PCDH17: variants seen among roughly 807,000 people sequenced by gnomAD.
The protein encoded by PCDH17 is protocadherin-17.
In PCDH17, 21 loss-of-function variants were observed where a neutral mutation model predicts 67.7. That is an observed-to-expected ratio of 0.31 (90% confidence interval 0.22 to 0.45). The LOEUF (loss-of-function observed/expected upper bound fraction) is 0.45. Ranked by LOEUF, PCDH17 falls within the 20% of genes least tolerant of loss-of-function variation. The pLI is 1.00. For missense variants in PCDH17, 1,471 were observed against 1,564.8 expected, an observed-to-expected ratio of 0.94 and a Z score of 1.01; for synonymous variants, 701 against 656.7, an observed-to-expected ratio of 1.07 and a Z score of -1.03.
chr13:57,723,267 T>TA (rs11423198), intron 3 of PCDH17, among the ~76,000 whole-genome samples: 121,590 of 152,042 alleles, frequency 0.8, 49,269 homozygotes, highest in African/African-American at 0.92. Context: ...GATTTCTTCC[T>TA]AAAAATTTCA....
chr13:57,670,092 T>C (rs1365272103), intron 3 of PCDH17, among the ~76,000 whole-genome samples: 1 of 152,022 alleles, frequency 6.6e-6, no homozygotes, highest in Non-Finnish European at 1.5e-5. Flanking sequence ...GAAGGCAGTA[T>C]AGAAATTTAA....
At chr13:57,644,385 C>CT (rs1225305922) in intron 1 of PCDH17, among the ~76,000 whole-genome samples, 1 of 151,406 alleles carries the variant, frequency 6.6e-6, no homozygotes, top group East Asian at 1.9e-4. Flanking sequence ...TTTATAGAGA[C>CT]TTTTTTTTCC....
chr13:57,719,049 A>G (rs1955849639), intron 3 of PCDH17, among the ~76,000 whole-genome samples: 1 of 152,018 alleles, frequency 6.6e-6, no homozygotes, highest in South Asian at 2.1e-4. Flanking sequence ...TGCAGACCGT[A>G]AATAGAGATG....
At chr13:57,676,241 C>T (rs1257238067) in intron 3 of PCDH17, among the ~76,000 whole-genome samples, 1 of 151,714 alleles carries the variant, frequency 6.6e-6, no homozygotes, top group Non-Finnish European at 1.5e-5. Flanking sequence ...AAAAAAACAA[C>T]TTCAGTTAAC....
chr13:57,694,659 A>G (rs1182902329), intron 3 of PCDH17, among the ~76,000 whole-genome samples: 1 of 151,234 alleles, frequency 6.6e-6, no homozygotes, highest in African/African-American at 2.4e-5. Flanking sequence ...TTTTTTTAAT[A>G]CTTTCCTGAA....
intron 1 of PCDH17, among the ~76,000 whole-genome samples, chr13:57,658,725 G>A (rs1015819833): frequency 6.6e-6 from 1 of 152,002 alleles, no homozygotes; most frequent in African/African-American, 2.4e-5. Flanking sequence ...GATAGAGAAA[G>A]CCAAGAGGAC....
intron 1 of PCDH17, among the ~76,000 whole-genome samples, chr13:57,643,091 A>T (rs890533559): frequency 6.6e-6 from 1 of 151,544 alleles, no homozygotes; most frequent in Non-Finnish European, 1.5e-5. Context: ...TACTTGATAT[A>T]TTTTTGCTAT....
At chr13:57,635,286 C>T (rs1180086295) in intron 1 of PCDH17, among the ~76,000 whole-genome samples, 175 bp downstream of exon 1, 1 of 152,058 alleles carries the variant, frequency 6.6e-6, no homozygotes, top group Non-Finnish European at 1.5e-5. Flanking sequence ...CATATAACCC[C>T]TCCCATGTAA....
At chr13:57,650,792 A>G (rs1200589757) in intron 1 of PCDH17, among the ~76,000 whole-genome samples, 1 of 152,176 alleles carries the variant, frequency 6.6e-6, no homozygotes, top group African/African-American at 2.4e-5. Context: ...ATTGCCTATA[A>G]TTTACTACTC....
chr13:57,695,961 A>G (rs1955603408), intron 3 of PCDH17, among the ~76,000 whole-genome samples: 1 of 151,356 alleles, frequency 6.6e-6, no homozygotes, highest in African/African-American at 2.4e-5. Flanking sequence ...TCAGTTGCTG[A>G]TATAGATCAA....
intron 3 of PCDH17, among the ~76,000 whole-genome samples, chr13:57,671,447 T>A (rs1955321316): frequency 6.6e-6 from 1 of 151,882 alleles, no homozygotes; most frequent in Admixed American, 6.6e-5. Flanking sequence ...AAAACTTTTT[T>A]AAGAGTTTAT....
intron 3 of PCDH17, among the ~76,000 whole-genome samples, chr13:57,695,852 A>G (rs1428612981): frequency 6.6e-6 from 1 of 151,464 alleles, no homozygotes; most frequent in Non-Finnish European, 1.5e-5. Context: ...CTCAACAAGC[A>G]TTCTTGTAAT....
intron 1 of PCDH17, among the ~76,000 whole-genome samples, chr13:57,650,340 G>A (rs1195757601): frequency 7.3e-5 from 11 of 151,016 alleles, no homozygotes; most frequent in Admixed American, 2.0e-4. Flanking sequence ...ATTCAGGCAC[G>A]GCTGGTCTAC....
intron 3 of PCDH17, among the ~76,000 whole-genome samples, chr13:57,684,838 TC>T (rs1338483916): frequency 6.6e-6 from 1 of 152,026 alleles, no homozygotes; most frequent in African/African-American, 2.4e-5. Flanking sequence ...TATCACCAGT[TC>T]ATTTGAATAT....
intron 3 of PCDH17, among the ~76,000 whole-genome samples, chr13:57,671,080 TTG>T (rs1955315122): frequency 6.6e-6 from 1 of 151,886 alleles, no homozygotes; most frequent in Non-Finnish European, 1.5e-5. Flanking sequence ...TATTGCATGT[TTG>T]TGCCCTAGTT....
In PCDH17 at chr13:57,680,172, G is replaced by A. The variant is rs965423208; in HGVS notation, c.2797+13339G>A. Among the ~76,000 whole-genome samples, 8 of 151,130 alleles carry A rather than the reference G, an allele frequency of 5.3e-5. No homozygotes were observed. The South Asian group carries it at 6.2e-4, about 12-fold the overall frequency. On this transcript the variant is annotated intron_variant, in intron 3 of 3. Coordinates refer to ENST00000377918, the MANE Select transcript of PCDH17 (RefSeq NM_001040429.3). ...TATATATAAATATGTATGTGTGTAT[G>A]TATATATAATTAATTTTGCTAGAGA...
chr13:57,724,705 C>G lies in PCDH17; in HGVS notation c.2891C>G (p.Ala964Gly). The G allele has an allele frequency of 6.2e-7, 1 of 1,614,030 alleles. No homozygotes were observed. ...WMPQFPAANQ[A>G]ENADYRTNLF... is the part of the protein sequence containing the mutation. ...CCACAGTTCCCTGCAGCCAATCAGG[C>G]TGAAAATGCAGATTACCGCACAAAT... The change falls in exon 4 of 4, where the codon GCT (alanine) becomes GGT (glycine). Residue 964 changes from alanine to glycine, a missense_variant. Physicochemically the swap from Ala to Gly is moderately conservative, Grantham distance 60. This residue lies in a region of PCDH17 where 297 missense variants were observed against 298.6 expected (regional missense o/e 0.99). Transcript: ENST00000377918.
intron 1 of PCDH17, among the ~76,000 whole-genome samples, chr13:57,665,932 T>G (rs114040312): frequency 1.1e-3 from 164 of 152,298 alleles, no homozygotes; most frequent in African/African-American, 3.7e-3. Context: ...GAGAATGAAT[T>G]ATAGCAATGA....
intron 1 of PCDH17, among the ~76,000 whole-genome samples, chr13:57,641,578 AAAAAAAAAAATATATAT>A (rs1187621294): frequency 4.7e-5 from 4 of 84,838 alleles, no homozygotes; most frequent in African/African-American, 2.0e-4. Flanking sequence ...AAAAAAAAAA[AAAAAAAAAAATATATAT>A]ATATATATAT....
Sources: allele counts gnomAD v4.1 joint callset (sites outside exome capture counted in the v4.1 genomes callset), GRCh38; gene constraint gnomAD v4.1.1; regional missense constraint gnomAD v4.1.1; transcripts MANE v1.5; gene names NCBI Gene and HGNC (gene_info 2026-07-23, HGNC 2026-07-21).